The following TRAP1 variants were observed in gnomAD, a reference collection of about 807,000 sequenced individuals.
TRAP1 encodes TNF receptor associated protein 1, also known as heat shock protein 75 kDa, mitochondrial.
A neutral mutation model predicts 89.1 loss-of-function variants in TRAP1; 102 were observed. That is an observed-to-expected ratio of 1.15 (90% confidence interval 0.98 to 1.35). The LOEUF (loss-of-function observed/expected upper bound fraction) is 1.35, where lower values mean the gene tolerates loss of function less well. TRAP1 is among the 40% of genes most tolerant of loss of function. The pLI is 0.00. For missense variants in TRAP1, 1,256 were observed against 945.3 expected, an observed-to-expected ratio of 1.33 and a Z score of -4.31; for synonymous variants, 508 against 388.0, an observed-to-expected ratio of 1.31 and a Z score of -3.64.
Position 3,684,609 on chromosome 16 carries a change from G to C in TRAP1, c.471+1387C>G, listed in dbSNP as rs889602022. ...GTTCAAGCCCAGCCTGGCCAACGTG[G>C]TGAAACCCCATCTCTACTAAAAATA... On this transcript the variant is annotated intron_variant, in intron 4 of 17. Coordinates refer to ENST00000246957, the MANE Select transcript of TRAP1 (RefSeq NM_016292.3). Among the ~76,000 whole-genome samples, 6 of 152,304 alleles carry C rather than the reference G, an allele frequency of 3.9e-5. No individual in the cohort carries two copies. The South Asian group carries it at 6.2e-4, about 16-fold the overall frequency.
At chr16:3,687,920 G>A (rs2051159412) in intron 3 of TRAP1, among the ~76,000 whole-genome samples, 1 of 147,750 alleles carries the variant, frequency 6.8e-6, no homozygotes, top group South Asian at 2.1e-4. Flanking sequence ...AAGTCCGCAA[G>A]AGCACATAGG....
intron 1 of TRAP1, among the ~76,000 whole-genome samples, chr16:3,702,763 C>T (rs13331758): frequency 0.011 from 1,734 of 151,576 alleles, 66 homozygotes; most frequent in African/African-American, 0.04. Flanking sequence ...ATTTAAAAAG[C>T]TGGGTGCGGT....
rs1429294009 is a variant in TRAP1, at chr16:3,692,956, TTTTG to T, written c.89-1975_89-1972del. 2.7e-5 allele frequency among the ~76,000 whole-genome samples: 4 copies of T among 150,296 alleles called. No individual in the cohort carries two copies. The East Asian group carries it at 5.9e-4, about 22-fold the overall frequency. ...ACTTACAAACAGCACAAACCTGGCC[TTTTG>T]TTTTTGTTTTTTTTTGAGATGGAGT... On this transcript the variant is annotated intron_variant, in intron 1 of 17. Coordinates refer to ENST00000246957, the MANE Select transcript of TRAP1 (RefSeq NM_016292.3).
At chr16:3,666,357 C>T (rs571207331) in intron 11 of TRAP1, among the ~76,000 whole-genome samples, 76 of 118,906 alleles carry the variant, frequency 6.4e-4, no homozygotes, top group Non-Finnish European at 1.1e-3. Flanking sequence ...AACCGATGCC[C>T]CCAGAGACAA....
chr16:3,682,180 C>A (rs2051080940), intron 4 of TRAP1, among the ~76,000 whole-genome samples: 1 of 152,072 alleles, frequency 6.6e-6, no homozygotes, highest in African/African-American at 2.4e-5. Context: ...TCAAGCCCTA[C>A]CTCACACCAT....
At chr16:3,701,950 CCTGT>C (rs2051371236) in intron 1 of TRAP1, among the ~76,000 whole-genome samples, 1 of 152,160 alleles carries the variant, frequency 6.6e-6, no homozygotes, top group Non-Finnish European at 1.5e-5. Context: ...GTGGCTCACA[CCTGT>C]TATCCCAGCA....
chr16:3,663,461 A>T lies in TRAP1; in HGVS notation c.1671T>A (p.Asp557Glu). ...LISVETDIVV[D>E]HYKEEKFEDR... ...CCTCAAACTTCTCCTCCTTGTAGTG[A>T]TCCACGACTATGTCCGTCTCCACAG... Residue 557 changes from aspartate (D) to glutamate (E), a missense_variant, in exon 14 of 18, where the codon GAT (aspartate) becomes GAA (glutamate). Physicochemically the swap from Asp to Glu is conservative, Grantham distance 45. Transcript: ENST00000246957. 6.2e-7 allele frequency: 1 copy of T among 1,614,082 alleles called. No homozygotes were observed. Among genetic ancestry groups the T allele is most frequent in the South Asian group, 1.1e-5 (1 of 91,074 alleles).
At chr16:3,702,845 C>G (rs141417018) in intron 1 of TRAP1, among the ~76,000 whole-genome samples, 1,542 of 151,508 alleles carry the variant, frequency 0.01, 17 homozygotes, top group Non-Finnish European at 0.012. Context: ...GAGTTTGAGA[C>G]CAGCCTGACC....
chr16:3,710,869 A>ATTTTTT (rs2051519513), intron 1 of TRAP1, among the ~76,000 whole-genome samples: 1 of 109,262 alleles, frequency 9.2e-6, no homozygotes, highest in Admixed American at 9.2e-5. Context: ...ATATATATAT[A>ATTTTTT]TATATATATA....
intron 11 of TRAP1, among the ~76,000 whole-genome samples, chr16:3,668,503 G>A (rs1485806381): frequency 6.6e-6 from 1 of 152,148 alleles, no homozygotes; most frequent in Non-Finnish European, 1.5e-5. Flanking sequence ...CACCCCAAAG[G>A]CATCGAGAAG....
intron 1 of TRAP1, among the ~76,000 whole-genome samples, chr16:3,712,413 TG>T (rs1262109795): frequency 3.3e-5 from 5 of 149,430 alleles, no homozygotes; most frequent in Admixed American, 1.3e-4. Context: ...TTTACTGACA[TG>T]GGGGGCAGGA....
chr16:3,690,779 G>C, intron 2 of TRAP1, 48 bp downstream of exon 2: 1 of 1,346,776 alleles, frequency 7.4e-7, no homozygotes, highest in Non-Finnish European at 9.6e-7. Flanking sequence ...TTTACGCACA[G>C]CAGTGAACCA....
chr16:3,690,233 T>C (rs940386787), intron 2 of TRAP1, among the ~76,000 whole-genome samples: 2 of 152,244 alleles, frequency 1.3e-5, no homozygotes, highest in Admixed American at 1.3e-4. Context: ...CTCGACCACT[T>C]GGCCTCAAGC....
chr16:3,696,022 C>T (rs1208531760), intron 1 of TRAP1, among the ~76,000 whole-genome samples: 1 of 152,222 alleles, frequency 6.6e-6, no homozygotes, highest in Admixed American at 6.5e-5. Context: ...CATTTCCCAG[C>T]TCTGTCCACT....
chr16:3,706,248 C>G (rs2051443669), intron 1 of TRAP1, among the ~76,000 whole-genome samples: 1 of 152,062 alleles, frequency 6.6e-6, no homozygotes, highest in South Asian at 2.1e-4. Context: ...GCCACTGCAC[C>G]AGGCCCAGCT....
Position 3,698,001 on chromosome 16 carries a change from C to T in TRAP1, c.89-7016G>A, listed in dbSNP as rs138393746. Among the ~76,000 whole-genome samples, 679 of 151,846 alleles carry T rather than the reference C, an allele frequency of 4.5e-3. 5 individuals are homozygous for T. Among genetic ancestry groups the T allele is most frequent in the African/African-American group, 0.016 (653 of 41,444 alleles). On this transcript the variant is annotated intron_variant, in intron 1 of 17. Transcript: ENST00000246957. ...TTTGTTTTTCTTTTTTAAGTAGAGA[C>T]AGGGTTTCACCATGTTGGCCAGGAT...
At position 3,664,463 on chromosome 16, in the gene TRAP1, G is replaced by A; in HGVS notation, c.1384-4C>T. 1.9e-6 allele frequency: 3 copies of A among 1,607,414 alleles called. No individual in the cohort carries two copies. Among genetic ancestry groups the A allele is most frequent in the Non-Finnish European group, 2.5e-6 (3 of 1,177,432 alleles). On this transcript the variant is annotated splice_polypyrimidine_tract_variant and splice_region_variant and intron_variant, in intron 12 of 17. Transcript: ENST00000246957. ...GCAGCAGCTTTGCTATGTCCTCCTAGAAGGGACGGGGCAGGTCACCACTTA... is the reference window on the plus strand; with the variant it reads ...GCAGCAGCTTTGCTATGTCCTCCTAAAAGGGACGGGGCAGGTCACCACTTA...
intron 1 of TRAP1, among the ~76,000 whole-genome samples, chr16:3,711,071 C>G (rs2051525216): frequency 6.7e-6 from 1 of 150,026 alleles, no homozygotes; most frequent in Non-Finnish European, 1.5e-5. Context: ...AGATGGGGGT[C>G]TCTCTAGGTT....
At chr16:3,705,328 C>CA (rs2051427075) in intron 1 of TRAP1, among the ~76,000 whole-genome samples, 1 of 152,252 alleles carries the variant, frequency 6.6e-6, no homozygotes, top group African/African-American at 2.4e-5. Context: ...ATCGGCCTCC[C>CA]AAAGTGCTGG....
Sources: allele counts gnomAD v4.1 joint callset (sites outside exome capture counted in the v4.1 genomes callset), GRCh38; gene constraint gnomAD v4.1.1; transcripts MANE v1.5; gene names NCBI Gene and HGNC (gene_info 2026-07-23, HGNC 2026-07-21).